The following OSCP1 variants were observed in gnomAD, a reference collection of about 807,000 sequenced individuals.
OSCP1 encodes organic solute carrier partner 1.
A neutral mutation model predicts 45.1 loss-of-function variants in OSCP1; 35 were observed. The observed-to-expected ratio is 0.78, with a 90% CI of 0.59 to 1.03. OSCP1 has a LOEUF of 1.03. Among genes scored for constraint, OSCP1 ranks in the 50% least tolerant of loss-of-function variants. The probability of loss-of-function intolerance (pLI) is 0.00; values close to 1 mark genes in which losing one functional copy is unlikely to be tolerated. For synonymous variants in OSCP1, 179 were observed against 180.1 expected (o/e 0.99, Z 0.05); for missense variants, 400 against 470.7 (o/e 0.85, Z 1.39).
At chr1:36,421,479 A>G (rs1647613694) in intron 7 of OSCP1, among the ~76,000 whole-genome samples, 1 of 152,120 alleles carries the variant, frequency 6.6e-6, no homozygotes, top group African/African-American at 2.4e-5. Flanking sequence ...TGTCCACTGG[A>G]CAGACATGAA....
chr1:36,435,162 A>G (rs1648641194), intron 2 of OSCP1, among the ~76,000 whole-genome samples: 1 of 144,914 alleles, frequency 6.9e-6, no homozygotes, highest in South Asian at 2.2e-4. Flanking sequence ...TGGCGTGAAC[A>G]CAGCTCACTG....
In OSCP1 at chr1:36,422,838, A is replaced by T; in HGVS notation, c.679T>A (p.Tyr227Asn). The change falls in exon 6 of 10, where the codon TAT becomes AAT. Residue 227 changes from tyrosine (Y) to asparagine (N), a missense_variant. Physicochemically the swap from Tyr to Asn is moderately radical, Grantham distance 143 (BLOSUM62 -2). Coordinates refer to ENST00000235532, the MANE Select transcript of OSCP1 (RefSeq NM_145047.5). ...GAACCTTCTTTGGGTGCAGGGACAT[A>T]GTTTCCACCATGCTTGAATTCTATC... The part of the protein sequence containing the change: ...KRIEFKHGGN[Y>N]VPAPKEGSFE... 6.2e-7 allele frequency: 1 copy of T among 1,610,868 alleles called. No homozygotes were observed. The highest frequency in any genetic ancestry group is 8.5e-7 in the Non-Finnish European group (1 of 1,178,230).
chr1:36,435,797 T>C (rs1648689713), intron 2 of OSCP1, among the ~76,000 whole-genome samples: 1 of 152,032 alleles, frequency 6.6e-6, no homozygotes, highest in Admixed American at 6.6e-5. Flanking sequence ...CATGCCCAGC[T>C]AATTTTTTGT....
intron 8 of OSCP1, among the ~76,000 whole-genome samples, chr1:36,419,861 T>C (rs1647502294): frequency 6.6e-6 from 1 of 152,178 alleles, no homozygotes; most frequent in African/African-American, 2.4e-5. Flanking sequence ...TCTCCTAGGC[T>C]GGAATGCAGT....
intron 3 of OSCP1, among the ~76,000 whole-genome samples, 198 bp downstream of exon 3, chr1:36,432,224 C>A (rs2282355): frequency 6.6e-6 from 1 of 152,048 alleles, no homozygotes; most frequent in East Asian, 1.9e-4. Context: ...ATTGTGAAGG[C>A]ATCAGTAAGA....
chr1:36,438,714 C>CA (rs1374847956), intron 2 of OSCP1, 42 bp downstream of exon 2: 2 of 1,567,470 alleles, frequency 1.3e-6, no homozygotes, highest in Non-Finnish European at 1.7e-6. Context: ...ACAAAAGGTA[C>CA]AAAAAATGCA....
Position 36,447,981 on chromosome 1 carries a change from C to A in OSCP1, c.112+2277G>T. The A allele has an allele frequency of 2.4e-6, 1 of 425,494 alleles. No individual in the cohort carries two copies. The allele number at this position is 425,494 out of a possible 1,614,324, so 26.4% of individuals were successfully genotyped here. Reference sequence around the variant, plus strand: ...CAAAAGCAGAAAAAAGGCTATAACTCCTAAAGGTAAAGCTGTCCTCTAGTA... The same window carrying A: ...CAAAAGCAGAAAAAAGGCTATAACTACTAAAGGTAAAGCTGTCCTCTAGTA... On this transcript the variant is annotated intron_variant, in intron 1 of 9. Coordinates refer to ENST00000235532, the MANE Select transcript of OSCP1 (RefSeq NM_145047.5). The surrounding 1 kb of genome is among the most constrained non-coding windows in gnomAD (Gnocchi z 4.1).
At chr1:36,421,320 G>A (rs1056497220) in intron 7 of OSCP1, among the ~76,000 whole-genome samples, 3 of 152,136 alleles carry the variant, frequency 2.0e-5, no homozygotes, top group African/African-American at 4.8e-5. Context: ...GGGAGACACC[G>A]CCATCCTCCT....
intron 8 of OSCP1, among the ~76,000 whole-genome samples, chr1:36,419,936 G>A (rs995577523): frequency 2.0e-5 from 3 of 151,158 alleles, no homozygotes; most frequent in Admixed American, 6.6e-5. Flanking sequence ...CCTCAACCTC[G>A]TGGGTAGCTG....
chr1:36,439,088 C>T (rs1648956904), intron 1 of OSCP1, 178 bp from the exon 2 acceptor site: 2 of 528,554 alleles, frequency 3.8e-6, no homozygotes, highest in East Asian at 6.3e-5. Flanking sequence ...AAGCAGGGCT[C>T]TGAGAGTGCT....
intron 4 of OSCP1, among the ~76,000 whole-genome samples, chr1:36,427,698 A>C (rs1378944073): frequency 6.6e-6 from 1 of 152,224 alleles, no homozygotes; most frequent in African/African-American, 2.4e-5. Context: ...CCAATCCATA[A>C]AATAATACCC....
chr1:36,429,250 G>T (rs867115629), intron 4 of OSCP1, among the ~76,000 whole-genome samples: 1 of 152,092 alleles, frequency 6.6e-6, no homozygotes, highest in South Asian at 2.1e-4. Context: ...AGCCAGGCGT[G>T]GTGGCATGCT....
At chr1:36,424,655 G>A (rs1308576838) in intron 4 of OSCP1, among the ~76,000 whole-genome samples, 1 of 152,188 alleles carries the variant, frequency 6.6e-6, no homozygotes, top group Non-Finnish European at 1.5e-5. Flanking sequence ...ATTTAAGTTT[G>A]AGGATCTTTT....
intron 4 of OSCP1, among the ~76,000 whole-genome samples, chr1:36,425,438 A>G (rs1647905698): frequency 6.6e-6 from 1 of 152,136 alleles, no homozygotes; most frequent in African/African-American, 2.4e-5. Flanking sequence ...CAGACAGTGT[A>G]TAAAAAGTAA....
rs869210643 is a variant in OSCP1, at chr1:36,442,974, TTA to T, written c.113-4066_113-4065del. Among the ~76,000 whole-genome samples, 10 of 152,164 alleles carry T rather than the reference TTA, an allele frequency of 6.6e-5. No homozygotes were observed. In the East Asian group the frequency reaches 1.9e-3, roughly 29 times the overall value. ...CTTTTAAATATTATTATTATTATTA[TTA>T]TTTTTGAAGTGGAGTCTCGCTCTGT... On this transcript the variant is annotated intron_variant, in intron 1 of 9. Transcript: ENST00000235532.
Position 36,447,998 on chromosome 1 carries a change from C to G in OSCP1, c.112+2260G>C. 2.5e-6 allele frequency: 1 copy of G among 392,278 alleles called. No homozygotes were observed. The highest frequency in any genetic ancestry group is 5.3e-6 in the Non-Finnish European group (1 of 187,848). 24.3% of individuals were successfully genotyped at this position (392,278 alleles called of 1,614,324 possible). On this transcript the variant is annotated intron_variant, in intron 1 of 9. Transcript: ENST00000235532. This position sits in a 1 kb window ranked among gnomAD's most constrained non-coding sequence, Gnocchi z 4.1. ...CTATAACTCCTAAAGGTAAAGCTGTCCTCTAGTATTCCAAGGGCCTTGTCC... is the reference window on the plus strand; with the variant it reads ...CTATAACTCCTAAAGGTAAAGCTGTGCTCTAGTATTCCAAGGGCCTTGTCC...
At chr1:36,432,163 C>T (rs1648408187) in intron 3 of OSCP1, among the ~76,000 whole-genome samples, 1 of 152,210 alleles carries the variant, frequency 6.6e-6, no homozygotes, top group African/African-American at 2.4e-5. Flanking sequence ...CACCAAGTCC[C>T]TTTCCGAAAA....
At chr1:36,442,211 A>G (rs1468565755) in intron 1 of OSCP1, among the ~76,000 whole-genome samples, 1 of 142,218 alleles carries the variant, frequency 7.0e-6, no homozygotes, top group African/African-American at 2.6e-5. Context: ...GGGCAACAAG[A>G]GCGAAACTCC....
intron 4 of OSCP1, chr1:36,428,294 T>C (rs780390573): frequency 7.5e-6 from 12 of 1,605,666 alleles, no homozygotes; most frequent in South Asian, 2.2e-5. Flanking sequence ...ACTAAATACA[T>C]TGCATTTCTT....
Sources: allele counts gnomAD v4.1 joint callset (sites outside exome capture counted in the v4.1 genomes callset), GRCh38; gene constraint gnomAD v4.1.1; non-coding constraint Gnocchi (gnomAD v3.1); transcripts MANE v1.5; gene names NCBI Gene and HGNC (gene_info 2026-07-23, HGNC 2026-07-21).